DUSP16: variants seen among roughly 807,000 people sequenced by gnomAD.
DUSP16 encodes dual specificity phosphatase 16.
A neutral mutation model predicts 58.3 loss-of-function variants in DUSP16; 21 were observed. The ratio of observed to expected loss-of-function variants is 0.36; its 90% CI spans 0.26 to 0.52. The LOEUF is 0.52. DUSP16 is among the 20% of genes least tolerant of loss of function. The probability of loss-of-function intolerance (pLI) is 0.94; values close to 1 mark genes in which losing one functional copy is unlikely to be tolerated. For synonymous variants in DUSP16, 320 were observed against 323.8 expected (o/e 0.99, Z 0.12); for missense variants, 726 against 819.0 (o/e 0.89, Z 1.39).
chr12:12,508,808 GT>G (rs1403822206), intron 3 of DUSP16, among the ~76,000 whole-genome samples: 1 of 152,104 alleles, frequency 6.6e-6, no homozygotes, highest in African/African-American at 2.4e-5. Context: ...ATATGCAACA[GT>G]TATGACATAC....
chr12:12,559,992 T>C (rs986228058), intron 1 of DUSP16, among the ~76,000 whole-genome samples: 1 of 152,194 alleles, frequency 6.6e-6, no homozygotes, highest in Non-Finnish European at 1.5e-5. Context: ...CATTAAGCTT[T>C]TGGCCCAAAG....
chr12:12,527,785 A>C (rs779057576), intron 1 of DUSP16, among the ~76,000 whole-genome samples: 37 of 152,128 alleles, frequency 2.4e-4, no homozygotes, highest in Non-Finnish European at 5.3e-4. Context: ...TTTAGATGAT[A>C]CTAGACCTGG....
At chr12:12,541,986 GAT>G (rs1254152217) in intron 1 of DUSP16, among the ~76,000 whole-genome samples, 3 of 152,146 alleles carry the variant, frequency 2.0e-5, no homozygotes, top group Non-Finnish European at 4.4e-5. Flanking sequence ...AATTAATACT[GAT>G]ACCAGCTACA....
chr12:12,528,686 A>G (rs1232378702), intron 1 of DUSP16, among the ~76,000 whole-genome samples: 1 of 152,234 alleles, frequency 6.6e-6, no homozygotes, highest in African/African-American at 2.4e-5. Flanking sequence ...ATTATAATTT[A>G]TAAGTTATTA....
chr12:12,509,150 T>C (rs983226704), intron 3 of DUSP16, among the ~76,000 whole-genome samples: 1 of 152,218 alleles, frequency 6.6e-6, no homozygotes, highest in Non-Finnish European at 1.5e-5. Flanking sequence ...TCAAAAGGAA[T>C]ACAGCCAGAA....
intron 5 of DUSP16, among the ~76,000 whole-genome samples, chr12:12,483,817 G>A (rs1336577994): frequency 4.6e-5 from 7 of 151,788 alleles, no homozygotes; most frequent in Non-Finnish European, 7.4e-5. Flanking sequence ...CAACCAACCC[G>A]GAGACTTACC....
At chr12:12,478,132 T>C (rs1943494220) in intron 6 of DUSP16, 117 bp from the exon 7 acceptor site, 3 of 974,306 alleles carry the variant, frequency 3.1e-6, no homozygotes, top group South Asian at 3.3e-5. Flanking sequence ...CTTTGGAAGA[T>C]GATTGGTTTA....
At chr12:12,528,015 C>T (rs1376733618) in intron 1 of DUSP16, among the ~76,000 whole-genome samples, 1 of 152,244 alleles carries the variant, frequency 6.6e-6, no homozygotes, top group Non-Finnish European at 1.5e-5. Context: ...GAGAAGCCTT[C>T]ACCAAAGTTT....
At chr12:12,546,849 C>A (rs566674707) in intron 1 of DUSP16, among the ~76,000 whole-genome samples, 2 of 152,300 alleles carry the variant, frequency 1.3e-5, no homozygotes, top group African/African-American at 4.8e-5. Flanking sequence ...TCCCTAAAGA[C>A]TGGCTATCTG....
In DUSP16 at chr12:12,477,256, C is replaced by T. The variant is rs1378599550; in HGVS notation, c.1575G>A (p.Gln525=). ...TSFLFGLSTS[Q]QHLTKSAGLG... ...GGCCAGCAGACTTCGTGAGGTGCTG[C>T]TGGCTGGTGGAAAGGCCGAAAAGGA... is the stretch of plus-strand genomic sequence containing the variant. The change falls in exon 7 of 7, where the codon CAG becomes CAA. Residue 525 remains glutamine (Q), a synonymous_variant. Transcript: ENST00000298573. The surrounding 1 kb of genome is among the most constrained non-coding windows in gnomAD (Gnocchi z 4.1). 2.5e-6 allele frequency: 4 copies of T among 1,614,114 alleles called. No individual in the cohort carries two copies. The highest frequency in any genetic ancestry group is 2.5e-6 in the Non-Finnish European group (3 of 1,180,048).
chr12:12,504,692 A>T (rs1272571064), intron 3 of DUSP16, among the ~76,000 whole-genome samples: 3 of 9,410 alleles, frequency 3.2e-4, no homozygotes, highest in Non-Finnish European at 5.9e-4. Flanking sequence ...AATCTCTGTT[A>T]AAAAAAAAAA....
At chr12:12,547,263 T>C (rs1038439504) in intron 1 of DUSP16, among the ~76,000 whole-genome samples, 1 of 151,810 alleles carries the variant, frequency 6.6e-6, no homozygotes, top group Non-Finnish European at 1.5e-5. Context: ...ACCCCGTCTC[T>C]ACCAAAAATA....
At position 12,477,002 on chromosome 12, in the gene DUSP16, C is replaced by T. The variant is rs2136184127; in HGVS notation, c.1829G>A (p.Arg610Gln). ...RQKPSDRADS[R>Q]RSWHEESPFE... ...GGGGCTCTCTTCATGCCAGCTCCGC[C>T]GCGAGTCAGCTCTGTCACTTGGCTT... Residue 610 changes from arginine to glutamine, a missense_variant, in exon 7 of 7, where the codon CGG becomes CAG. Arg to Gln is a conservative substitution (Grantham distance 43). Coordinates refer to ENST00000298573, the MANE Select transcript of DUSP16 (RefSeq NM_030640.3). This position sits in a 1 kb window ranked among gnomAD's most constrained non-coding sequence, Gnocchi z 4.1. 3.7e-6 allele frequency: 6 copies of T among 1,614,226 alleles called. No individual in the cohort carries two copies. The highest frequency in any genetic ancestry group is 1.7e-5 in the Admixed American group (1 of 60,030).
rs1331642748 is a variant in DUSP16, at chr12:12,519,970, C to T, written c.259G>A (p.Val87Ile). 2 of 1,614,128 alleles carry T rather than the reference C, an allele frequency of 1.2e-6. No individual in the cohort carries two copies. The highest frequency in any genetic ancestry group is 1.7e-6 in the Non-Finnish European group (2 of 1,179,990). Reference protein sequence around the residue: ...VDIDCSQKVVVYDQSSQDVAS... With the variant: ...VDIDCSQKVVIYDQSSQDVAS... ...ACATCTTGGGAGCTTTGATCGTAAA[C>T]TACAACCTTCTGACTGCAATCAATG... The change falls in exon 3 of 7, where the codon GTT (valine) becomes ATT (isoleucine). Residue 87 changes from valine (V) to isoleucine (I), a missense_variant. Val to Ile is a conservative substitution (Grantham distance 29). Coordinates refer to ENST00000298573, the MANE Select transcript of DUSP16 (RefSeq NM_030640.3).
chr12:12,476,352 A>C lies in DUSP16; in HGVS notation c.*481T>G, dbSNP rs1420625830. ...GGTTTGTGAATCAGCTTTGGATAGG[A>C]TCATTTCTCTTGGATTTACCACTAG... On this transcript the variant is annotated 3_prime_UTR_variant, in exon 7 of 7. Coordinates refer to ENST00000298573, the MANE Select transcript of DUSP16 (RefSeq NM_030640.3). The C allele has an allele frequency of 6.5e-6, 1 of 153,848 alleles. No individual in the cohort carries two copies. The highest frequency in any genetic ancestry group is 2.4e-5 in the African/African-American group (1 of 41,424). 9.5% of individuals were successfully genotyped at this position (153,848 alleles called of 1,614,324 possible). A position where few individuals can be genotyped will look rare whatever the true frequency, so the allele number is the denominator to read the frequency against.
chr12:12,513,577 G>A (rs1464965787), intron 3 of DUSP16, among the ~76,000 whole-genome samples: 2 of 152,132 alleles, frequency 1.3e-5, no homozygotes, highest in Admixed American at 6.5e-5. Context: ...AAATGAAAGG[G>A]CTGAAGTCTG....
Position 12,476,933 on chromosome 12 carries a change from C to A in DUSP16, c.1898G>T (p.Gly633Val), listed in dbSNP as rs1192495973. ...FKRRSCQMEF[G>V]ESIMSENRSR... ...CCTGTTCTCTGACATGATGCTCTCT[C>A]CAAATTCCATTTGGCAGCTTCTGCG... is the stretch of plus-strand genomic sequence containing the variant. Residue 633 changes from glycine to valine, a missense_variant, in exon 7 of 7, where the codon GGA becomes GTA. By Grantham distance (109) the Gly-to-Val change is moderately radical. Coordinates refer to ENST00000298573, the MANE Select transcript of DUSP16 (RefSeq NM_030640.3). The A allele has an allele frequency of 6.2e-7, 1 of 1,614,180 alleles. No homozygotes were observed. The highest frequency in any genetic ancestry group is 8.5e-7 in the Non-Finnish European group (1 of 1,180,046).
chr12:12,559,510 A>G (rs776473333), intron 1 of DUSP16, among the ~76,000 whole-genome samples: 1 of 152,320 alleles, frequency 6.6e-6, no homozygotes, highest in African/African-American at 2.4e-5. Context: ...ATGCATTTTA[A>G]AAACACTGAA....
intron 1 of DUSP16, among the ~76,000 whole-genome samples, chr12:12,541,042 T>C (rs540130151): frequency 7.3e-6 from 1 of 136,910 alleles, no homozygotes; most frequent in Admixed American, 8.1e-5. Context: ...CACTGCAGCC[T>C]CAACCTCCCA....
Sources: allele counts gnomAD v4.1 joint callset (sites outside exome capture counted in the v4.1 genomes callset), GRCh38; gene constraint gnomAD v4.1.1; non-coding constraint Gnocchi (gnomAD v3.1); transcripts MANE v1.5; gene names NCBI Gene and HGNC (gene_info 2026-07-23, HGNC 2026-07-21).